The following RBMS1 variants were observed in gnomAD, a reference collection of about 807,000 sequenced individuals.
The protein encoded by RBMS1 is RNA binding motif single stranded interacting protein 1.
In RBMS1, 17 loss-of-function variants were observed where a neutral mutation model predicts 62.3. The observed-to-expected ratio is 0.27, with a 90% CI of 0.19 to 0.41. RBMS1 has a LOEUF of 0.41. Ranked by LOEUF, RBMS1 falls within the 10% of genes least tolerant of loss-of-function variation. The pLI is 1.00. For synonymous variants in RBMS1, 172 were observed against 170.0 expected (o/e 1.01, Z -0.09); for missense variants, 334 against 504.5 (o/e 0.66, Z 3.24).
chr2:160,396,550 C>CTTTTTT (rs59600753), intron 1 of RBMS1, among the ~76,000 whole-genome samples: 17 of 77,854 alleles, frequency 2.2e-4, no homozygotes, highest in Non-Finnish European at 3.3e-4. Flanking sequence ...TTCTTTTTAT[C>CTTTTTT]TTTTTTTTTT....
intron 1 of RBMS1, among the ~76,000 whole-genome samples, chr2:160,448,035 T>A (rs1481524471): frequency 1.3e-5 from 2 of 152,238 alleles, no homozygotes; most frequent in African/African-American, 4.8e-5. Flanking sequence ...TAACTTTAAT[T>A]TTCATGCCAA....
chr2:160,388,568 G>A (rs918828174), intron 1 of RBMS1, among the ~76,000 whole-genome samples: 24 of 152,104 alleles, frequency 1.6e-4, no homozygotes, highest in African/African-American at 4.6e-4. Flanking sequence ...TCCCAAAGCA[G>A]CCCCATCTTG....
chr2:160,295,779 T>C (rs1688903948), intron 6 of RBMS1, among the ~76,000 whole-genome samples: 1 of 152,254 alleles, frequency 6.6e-6, no homozygotes, highest in East Asian at 1.9e-4. Context: ...AGATCTACTG[T>C]ATTCAAGGAA....
intron 9 of RBMS1, 124 bp from the exon 10 acceptor site, chr2:160,281,488 T>C: frequency 1.3e-6 from 1 of 747,484 alleles, no homozygotes; most frequent in Non-Finnish European, 2.2e-6. Context: ...ATACTATCAA[T>C]GATTAAAAAG....
rs1689866017 is a variant in RBMS1 at position 160,311,232 on chromosome 2, C to CTATATATCTATATATCTA, written c.402+1923_402+1924insTAGATATATAGATATATA. Reference sequence around the variant, plus strand: ...AAAATCTATCTATCTATCTATCTATCTATATATATATATATATATATATAT... The same window carrying CTATATATCTATATATCTA: ...AAAATCTATCTATCTATCTATCTATCTATATATCTATATATCTATATATATATATATATATATATATAT... On this transcript the variant is annotated intron_variant, in intron 4 of 13. Coordinates refer to ENST00000348849, the MANE Select transcript of RBMS1 (RefSeq NM_016836.4). 6.0e-3 allele frequency among the ~76,000 whole-genome samples: 479 copies of CTATATATCTATATATCTA among 79,246 alleles called. 10 individuals carry two copies. The highest frequency in any genetic ancestry group is 0.022 in the East Asian group (68 of 3,134). The allele number at this position is 79,246 out of a possible 152,430, so 52.0% of individuals were successfully genotyped here. A position where few individuals can be genotyped will look rare whatever the true frequency, so the allele number is the denominator to read the frequency against.
chr2:160,455,876 G>C (rs1307312616), intron 1 of RBMS1, among the ~76,000 whole-genome samples: 1 of 151,740 alleles, frequency 6.6e-6, no homozygotes, highest in Admixed American at 6.6e-5. Context: ...GTAGAGACGG[G>C]GTTTCACCGT....
At chr2:160,311,232 C>CTATATATATATATATATATA (rs10530445) in intron 4 of RBMS1, among the ~76,000 whole-genome samples, 4 of 79,252 alleles carry the variant, frequency 5.0e-5, no homozygotes, top group South Asian at 4.6e-4. Flanking sequence ...ATCTATCTAT[C>CTATATATATATATATATATA]TATATATATA....
chr2:160,349,878 G>A (rs1692398477), intron 2 of RBMS1, among the ~76,000 whole-genome samples: 1 of 151,650 alleles, frequency 6.6e-6, no homozygotes, highest in South Asian at 2.1e-4. Flanking sequence ...TGAAGTGGAG[G>A]CAGATTACAA....
At chr2:160,343,274 A>G (rs1173607883) in intron 2 of RBMS1, among the ~76,000 whole-genome samples, 1 of 152,246 alleles carries the variant, frequency 6.6e-6, no homozygotes, top group Non-Finnish European at 1.5e-5. Flanking sequence ...TTGTATGTTC[A>G]AAGATGGCTG....
chr2:160,493,077 C>G, intron 1 of RBMS1: 15 of 527,254 alleles, frequency 2.8e-5, no homozygotes, highest in East Asian at 3.4e-5. Context: ...CCGCGGCTTT[C>G]TGTAACCCGA....
intron 1 of RBMS1, among the ~76,000 whole-genome samples, chr2:160,421,905 T>A (rs1407777339): frequency 6.6e-6 from 1 of 152,248 alleles, no homozygotes; most frequent in African/African-American, 2.4e-5. Context: ...CCAGGGATGA[T>A]GAGCATTTTT....
chr2:160,351,163 C>T (rs1453336266), intron 2 of RBMS1, among the ~76,000 whole-genome samples: 1 of 147,380 alleles, frequency 6.8e-6, no homozygotes, highest in East Asian at 2.1e-4. Context: ...ACACCACACA[C>T]CGGGGCCTGT....
At chr2:160,329,301 C>T (rs894973603) in intron 2 of RBMS1, among the ~76,000 whole-genome samples, 2 of 152,118 alleles carry the variant, frequency 1.3e-5, no homozygotes, top group African/African-American at 4.8e-5. Context: ...ACTGTATAAG[C>T]AAGGGAATGC....
rs780914963 is a variant in RBMS1, at chr2:160,286,952, T to G, written c.756+17A>C. 11 of 1,610,698 alleles carry G rather than the reference T, an allele frequency of 6.8e-6. No individual in the cohort carries two copies. Among genetic ancestry groups the G allele is most frequent in the Non-Finnish European group, 8.5e-6 (10 of 1,179,194 alleles). On this transcript the variant is annotated intron_variant, in intron 7 of 13. Coordinates refer to ENST00000348849, the MANE Select transcript of RBMS1 (RefSeq NM_016836.4). The stretch of plus-strand genomic sequence containing the variant: ...CACCCCCTCCCCCACCCCGCAAAGT[T>G]TCAAGAAAGGACTTACAAGTCTCAC...
At chr2:160,337,665 G>A (rs1232266836) in intron 2 of RBMS1, among the ~76,000 whole-genome samples, 2 of 151,996 alleles carry the variant, frequency 1.3e-5, no homozygotes, top group Non-Finnish European at 2.9e-5. Context: ...AAAACTGGGG[G>A]GGAGGGGAAC....
intron 1 of RBMS1, among the ~76,000 whole-genome samples, chr2:160,373,823 A>G (rs76502099): frequency 0.021 from 3,238 of 152,296 alleles, 123 homozygotes; most frequent in African/African-American, 0.072. Context: ...CCTTAATTGC[A>G]TTGCTTATAA....
intron 1 of RBMS1, among the ~76,000 whole-genome samples, chr2:160,469,880 G>A (rs1437371601): frequency 6.6e-6 from 1 of 152,210 alleles, no homozygotes; most frequent in Non-Finnish European, 1.5e-5. Flanking sequence ...GAAAATCAGG[G>A]AGGGGCTAGA....
At chr2:160,399,736 G>A (rs922366675) in intron 1 of RBMS1, among the ~76,000 whole-genome samples, 1 of 152,012 alleles carries the variant, frequency 6.6e-6, no homozygotes, top group Admixed American at 6.5e-5. Context: ...GATCACAAAT[G>A]GTCTTCCAAA....
chr2:160,449,064 C>T (rs914267115), intron 1 of RBMS1, among the ~76,000 whole-genome samples: 1 of 151,570 alleles, frequency 6.6e-6, no homozygotes, highest in Non-Finnish European at 1.5e-5. Context: ...CCGGCAGCTG[C>T]CCCGTCTGGG....
Sources: gnomAD v4.1 joint callset for allele counts (sites outside exome capture counted in the v4.1 genomes callset) on GRCh38, gnomAD v4.1.1 for gene constraint, MANE v1.5 for transcripts, NCBI Gene and HGNC (gene_info 2026-07-23, HGNC 2026-07-21) for gene names.